The following CARMIL2 variants were observed in gnomAD, a reference collection of about 807,000 sequenced individuals.
CARMIL2 encodes the protein capping protein, Arp2/3 and myosin-I linker protein 2.
A neutral mutation model predicts 173.3 loss-of-function variants in CARMIL2; 96 were observed. That is an observed-to-expected ratio of 0.55 (90% confidence interval 0.47 to 0.66). The LOEUF (loss-of-function observed/expected upper bound fraction) is 0.66. CARMIL2 is among the 30% of genes least tolerant of loss of function. The probability of loss-of-function intolerance (pLI) is 0.00; values close to 1 mark genes in which losing one functional copy is unlikely to be tolerated. For synonymous variants in CARMIL2, 830 were observed against 817.1 expected, an observed-to-expected ratio of 1.02 and a Z score of -0.27; for missense variants, 1,771 against 1,906.7, an observed-to-expected ratio of 0.93 and a Z score of 1.33.
At position 67,649,785 on chromosome 16, in the gene CARMIL2, C is replaced by A; in HGVS notation, c.1920-21C>A. On this transcript the variant is annotated intron_variant, in intron 20 of 37. Transcript: ENST00000334583. The surrounding 1 kb of genome is among the most constrained non-coding windows in gnomAD (Gnocchi z 6.7). ...GGGCGTTGGGAAGCTCCGTCCCCGA[C>A]TGAAGCCAGGCCCGGCCCAGGTCTG... 6.2e-7 allele frequency: 1 copy of A among 1,604,640 alleles called. No homozygotes were observed. Among genetic ancestry groups the A allele is most frequent in the Non-Finnish European group, 8.5e-7 (1 of 1,174,632 alleles).
rs768620001 is a variant in CARMIL2 at position 67,656,560 on chromosome 16, T to C, written c.3951T>C (p.Gly1317=). Residue 1317 remains glycine (G), a synonymous_variant, in exon 35 of 38, where the codon GGT becomes GGC. Coordinates refer to ENST00000334583, the MANE Select transcript of CARMIL2 (RefSeq NM_001013838.3). ...QQDGPGPPSP[G]QSPSPCRTSP... is the part of the protein sequence containing the mutation. ...ATGGTCCAGGCCCTCCCTCCCCTGG[T>C]CAAAGCCCAAGTCCCTGCAGAACCA... 10 of 1,613,114 alleles carry C rather than the reference T, an allele frequency of 6.2e-6. No homozygotes were observed. In the South Asian group the frequency reaches 1.1e-4, roughly 18 times the overall value.
In CARMIL2 at chr16:67,646,203, G is replaced by A. The variant is rs971945020; in HGVS notation, c.267G>A (p.Glu89=). Residue 89 remains glutamate (E), a synonymous_variant, in exon 5 of 38, where the codon GAG becomes GAA. Coordinates refer to ENST00000334583, the MANE Select transcript of CARMIL2 (RefSeq NM_001013838.3). This position sits in a 1 kb window ranked among gnomAD's most constrained non-coding sequence, Gnocchi z 4.6. ...TTCCCTAGGTCACCTTTGAGCTGGA[G>A]TCCCTGCGTGAGCTGGTCCTGGAGT... is the stretch of plus-strand genomic sequence containing the variant. ...ETPPQVTFEL[E]SLRELVLEFP... is the part of the protein sequence containing the mutation. 1.4e-5 allele frequency: 23 copies of A among 1,613,716 alleles called. No homozygotes were observed. The highest frequency in any genetic ancestry group is 5.0e-5 in the Admixed American group (3 of 60,002).
chr16:67,649,641 G>A lies in CARMIL2; in HGVS notation c.1919+22G>A, dbSNP rs774877080. On this transcript the variant is annotated intron_variant, in intron 20 of 37. Transcript: ENST00000334583. The surrounding 1 kb of genome is among the most constrained non-coding windows in gnomAD (Gnocchi z 6.7). ...TCCGGTGGGCGGGGTCAGAGGGGTG[G>A]GACCAGCGGGCAGGGGGCGCGGTGG... 12 of 1,576,124 alleles carry A rather than the reference G, an allele frequency of 7.6e-6. 1 individual carries two copies. The South Asian group carries it at 1.2e-4, about 16-fold the overall frequency.
intron 32 of CARMIL2, among the ~76,000 whole-genome samples, 169 bp from the exon 33 acceptor site, chr16:67,655,862 G>C (rs1175222106): frequency 6.6e-6 from 1 of 152,224 alleles, no homozygotes; most frequent in Non-Finnish European, 1.5e-5. Context: ...CCTGAATTTA[G>C]AAATATTCAA....
chr16:67,647,685 A>G lies in CARMIL2; in HGVS notation c.877A>G (p.Thr293Ala). Reference protein sequence around the residue: ...AGNLLDDRGMTALSRHLERCP... With the variant: ...AGNLLDDRGMAALSRHLERCP... ...GGCTGTTCCCACCCCCCAAGGCATGACTGCACTCAGCAGACACCTCGAGCG... is the reference window on the plus strand; with the variant it reads ...GGCTGTTCCCACCCCCCAAGGCATGGCTGCACTCAGCAGACACCTCGAGCG... The change falls in exon 12 of 38, where the codon ACT (threonine) becomes GCT (alanine). Residue 293 changes from threonine (T) to alanine (A), a missense_variant. Thr to Ala is a moderately conservative substitution (Grantham distance 58, BLOSUM62 0). Coordinates refer to ENST00000334583, the MANE Select transcript of CARMIL2 (RefSeq NM_001013838.3). 1 of 1,600,162 alleles carries G rather than the reference A, an allele frequency of 6.2e-7. No homozygotes were observed. Among genetic ancestry groups the G allele is most frequent in the Non-Finnish European group, 8.5e-7 (1 of 1,174,544 alleles).
intron 22 of CARMIL2, chr16:67,650,878 C>T (rs2052709867): frequency 3.2e-6 from 1 of 317,068 alleles, no homozygotes; most frequent in Non-Finnish European, 5.9e-6. Context: ...TCCAGGGCTA[C>T]TCACTCCCTT....
Position 67,653,276 on chromosome 16 carries a change from C to T in CARMIL2, c.3120+22C>T. On this transcript the variant is annotated intron_variant, in intron 29 of 37. Coordinates refer to ENST00000334583, the MANE Select transcript of CARMIL2 (RefSeq NM_001013838.3). The surrounding 1 kb of genome is among the most constrained non-coding windows in gnomAD (Gnocchi z 7.4). ...CCAGGTGAGCACCCTTCCCCCACTC[C>T]GGAGCGCGTGGAATTGGGGATCACG... 1 of 1,096,638 alleles carries T rather than the reference C, an allele frequency of 9.1e-7. No individual in the cohort carries two copies. The allele number at this position is 1,096,638 out of a possible 1,614,324, so 67.9% of individuals were successfully genotyped here.
At position 67,646,480 on chromosome 16, in the gene CARMIL2, C is replaced by T. The variant is rs1293578157; in HGVS notation, c.429C>T (p.Ser143=). Residue 143 remains serine, a synonymous_variant, in exon 6 of 38, where the codon AGC becomes AGT. Transcript: ENST00000334583. The surrounding 1 kb of genome is among the most constrained non-coding windows in gnomAD (Gnocchi z 4.6). ...CCATGCTGGCTCGGCTGGAGAGAAG[C>T]AGCCCCTCGGAGTCCACTGACCCCT... The part of the protein sequence containing the change: ...PASMLARLER[S]SPSESTDPCS... 1 of 1,613,354 alleles carries T rather than the reference C, an allele frequency of 6.2e-7. No homozygotes were observed. Among genetic ancestry groups the T allele is most frequent in the African/African-American group, 1.3e-5 (1 of 74,914 alleles).
chr16:67,645,662 G>T (rs761972260), intron 2 of CARMIL2, 31 bp downstream of exon 2: 1 of 1,612,924 alleles, frequency 6.2e-7, no homozygotes, highest in East Asian at 2.2e-5. Context: ...CCGGGGAGGC[G>T]GCTGTGGCCC....
At chr16:67,650,218 T>G in intron 22 of CARMIL2, 68 bp downstream of exon 22, 1 of 1,363,052 alleles carries the variant, frequency 7.3e-7, no homozygotes, top group East Asian at 2.5e-5. Flanking sequence ...GGAGCCTCCA[T>G]GAGTCAGAGG....
In CARMIL2 at chr16:67,650,186, A is replaced by G. The variant is rs755677221; in HGVS notation, c.2184+36A>G. 83 of 1,554,144 alleles carry G rather than the reference A, an allele frequency of 5.3e-5. No individual in the cohort carries two copies. In the East Asian group the frequency reaches 1.7e-3, roughly 32 times the overall value. Reference sequence around the variant, plus strand: ...CCTCCCCAACCACGAGAGGTAGGGCATGAGGAGACCTGTGGCATCCGGGAG... The same window carrying G: ...CCTCCCCAACCACGAGAGGTAGGGCGTGAGGAGACCTGTGGCATCCGGGAG... On this transcript the variant is annotated intron_variant, in intron 22 of 37. Coordinates refer to ENST00000334583, the MANE Select transcript of CARMIL2 (RefSeq NM_001013838.3).
intron 32 of CARMIL2, 99 bp downstream of exon 32, chr16:67,654,999 A>C: frequency 6.8e-7 from 1 of 1,460,582 alleles, no homozygotes; most frequent in Non-Finnish European, 9.4e-7. Flanking sequence ...AGATAGGTCT[A>C]ATTGTCAGTT....
Position 67,654,194 on chromosome 16 carries a change from G to C in CARMIL2, c.3166G>C (p.Val1056Leu), listed in dbSNP as rs747916506. 1 of 1,570,446 alleles carries C rather than the reference G, an allele frequency of 6.4e-7. No homozygotes were observed. Among genetic ancestry groups the C allele is most frequent in the South Asian group, 1.2e-5 (1 of 85,260 alleles). Residue 1056 changes from valine (V) to leucine (L), a missense_variant, in exon 30 of 38, where the codon GTG becomes CTG. Physicochemically the swap from Val to Leu is conservative, Grantham distance 32. Around this residue, in one of 3 missense-constraint regions of CARMIL2, gnomAD observed 817 missense variants for 903.5 expected, o/e 0.90. Transcript: ENST00000334583. The stretch of plus-strand genomic sequence containing the variant: ...GGAAGGGAATGGGCTCAGTGCCCGC[G>C]TGGACGAGGGCGTGGAGGAATTCTT... Reference protein sequence around the residue: ...PQEGNGLSARVDEGVEEFFSK... With the variant: ...PQEGNGLSARLDEGVEEFFSK...
intron 1 of CARMIL2, 76 bp from the exon 2 acceptor site, chr16:67,645,464 C>T: frequency 7.0e-7 from 1 of 1,431,970 alleles, no homozygotes; most frequent in South Asian, 1.2e-5. Flanking sequence ...CCCAGGGCCC[C>T]AGCCTGGCAC....
rs755823264 is a variant in CARMIL2, at chr16:67,651,957, G to C, written c.2625G>C (p.Glu875Asp). ...TATCAATCACGGGGACCTTGGCAGAGAGCATTGTGGCTCAGGCTTTGGCAG... is the reference window on the plus strand; with the variant it reads ...TATCAATCACGGGGACCTTGGCAGACAGCATTGTGGCTCAGGCTTTGGCAG... Reference protein sequence around the residue: ...MRLSITGTLAESIVAQALAGL... With the variant: ...MRLSITGTLADSIVAQALAGL... The change falls in exon 26 of 38, where the codon GAG becomes GAC. Residue 875 changes from glutamate to aspartate, a missense_variant. Glu to Asp is a conservative substitution (Grantham distance 45, BLOSUM62 2). This residue lies in a region of CARMIL2 where 817 missense variants were observed against 903.5 expected (regional missense o/e 0.90). Coordinates refer to ENST00000334583, the MANE Select transcript of CARMIL2 (RefSeq NM_001013838.3). The surrounding 1 kb of genome is among the most constrained non-coding windows in gnomAD (Gnocchi z 4.2). 8 of 1,613,540 alleles carry C rather than the reference G, an allele frequency of 5.0e-6. No individual in the cohort carries two copies. Among genetic ancestry groups the C allele is most frequent in the East Asian group, 2.2e-5 (1 of 44,900 alleles).
chr16:67,655,145 C>G (rs951234591), intron 32 of CARMIL2, among the ~76,000 whole-genome samples: 1 of 152,224 alleles, frequency 6.6e-6, no homozygotes, highest in African/African-American at 2.4e-5. Context: ...AAATCTGAGG[C>G]CTGGGCCAGG....
chr16:67,647,952 C>A lies in CARMIL2; in HGVS notation c.1065C>A (p.Asp355Glu). 1 of 1,607,594 alleles carries A rather than the reference C, an allele frequency of 6.2e-7. No homozygotes were observed. The highest frequency in any genetic ancestry group is 1.1e-5 in the South Asian group (1 of 89,834). ...GNPGALGASE[D>E]SGGLYSFLSR... The stretch of plus-strand genomic sequence containing the variant: ...CTGGGGCGCTGGGGGCCTCCGAGGA[C>A]AGTGGGGTGAGTGGCTGTCTTCAGG... The change falls in exon 13 of 38, where the codon GAC becomes GAA. Residue 355 changes from aspartate to glutamate, a missense_variant. By Grantham distance (45) the Asp-to-Glu change is conservative. Around this residue, in one of 3 missense-constraint regions of CARMIL2, gnomAD observed 944 missense variants for 975.6 expected, o/e 0.97. Coordinates refer to ENST00000334583, the MANE Select transcript of CARMIL2 (RefSeq NM_001013838.3).
Position 67,646,317 on chromosome 16 carries a change from C to G in CARMIL2, c.374+7C>G, listed in dbSNP as rs371122889. On this transcript the variant is annotated splice_region_variant and intron_variant, in intron 5 of 37. Coordinates refer to ENST00000334583, the MANE Select transcript of CARMIL2 (RefSeq NM_001013838.3). This position sits in a 1 kb window ranked among gnomAD's most constrained non-coding sequence, Gnocchi z 4.6. The stretch of plus-strand genomic sequence containing the variant: ...TCCCTCGCTCGACCCTTGGGTGAGG[C>G]CTGGCAAATTCGAGGGGCTGGCAGG... The G allele has an allele frequency of 3.9e-5, 63 of 1,611,904 alleles. No individual in the cohort carries two copies. Among genetic ancestry groups the G allele is most frequent in the African/African-American group, 5.3e-5 (4 of 74,878 alleles).
In CARMIL2 at chr16:67,648,009, G is replaced by A. The variant is rs750194184; in HGVS notation, c.1072-43G>A. ...GCTTGGGGTTGCTCATAAGCCCTGG[G>A]TAGGCGATCCCCCACTCCATCGCAC... On this transcript the variant is annotated intron_variant, in intron 13 of 37. Coordinates refer to ENST00000334583, the MANE Select transcript of CARMIL2 (RefSeq NM_001013838.3). The surrounding 1 kb of genome is among the most constrained non-coding windows in gnomAD (Gnocchi z 6.1). 13 of 1,607,818 alleles carry A rather than the reference G, an allele frequency of 8.1e-6. No homozygotes were observed. Among genetic ancestry groups the A allele is most frequent in the East Asian group, 2.2e-5 (1 of 44,810 alleles).
Sources: allele counts gnomAD v4.1 joint callset (sites outside exome capture counted in the v4.1 genomes callset), GRCh38; gene constraint gnomAD v4.1.1; regional missense constraint gnomAD v4.1.1; non-coding constraint Gnocchi (gnomAD v3.1); transcripts MANE v1.5; gene names NCBI Gene and HGNC (gene_info 2026-07-23, HGNC 2026-07-21).